Variants in SOX5 observed in about 807,000 individuals in gnomAD.
The protein encoded by SOX5 is SRY-box transcription factor 5.
SOX5 carries 9 observed loss-of-function variants against 92.0 expected under a neutral mutation model. That is an observed-to-expected ratio of 0.10 (90% CI 0.06 to 0.17). The LOEUF (loss-of-function observed/expected upper bound fraction) is 0.17, where lower values mean the gene tolerates loss of function less well. Ranked by LOEUF, SOX5 falls within the 10% of genes least tolerant of loss-of-function variation. The pLI is 1.00. For synonymous variants in SOX5, 344 were observed against 336.3 expected, an observed-to-expected ratio of 1.02 and a Z score of -0.25; for missense variants, 642 against 944.5, an observed-to-expected ratio of 0.68 and a Z score of 4.20.
At chr12:24,031,531 G>A (rs1388213360) in intron 4 of SOX5, among the ~76,000 whole-genome samples, 1 of 151,802 alleles carries the variant, frequency 6.6e-6, no homozygotes, top group African/African-American at 2.4e-5. Flanking sequence ...AGCTGCAGAG[G>A]TGGATGAAGG....
rs571489431 is a variant in SOX5, at chr12:24,195,888, C to CTG, written c.-2+17453_-2+17454dup. Among the ~76,000 whole-genome samples, 93 of 152,046 alleles carry CTG rather than the reference C, an allele frequency of 6.1e-4. 2 individuals carry two copies. In the South Asian group the frequency reaches 0.019, roughly 30 times the overall value. ...ATAAACTCTGTGCATGTGTGTGTGTCTGTGTGTGTGTTTTGAAACAGGGTC... is the reference window on the plus strand; with the variant it reads ...ATAAACTCTGTGCATGTGTGTGTGTCTGTGTGTGTGTGTTTTGAAACAGGGTC... On this transcript the variant is annotated intron_variant, in intron 4 of 4. Transcript: ENST00000446891.
intron 3 of SOX5, among the ~76,000 whole-genome samples, chr12:23,843,297 A>G (rs567753190): frequency 1.3e-5 from 2 of 152,272 alleles, no homozygotes; most frequent in South Asian, 2.1e-4. Context: ...GGTGAAAACT[A>G]AAGAAGTTTA....
chr12:24,415,825 T>G (rs1306916815), intron 1 of SOX5, among the ~76,000 whole-genome samples: 2 of 152,168 alleles, frequency 1.3e-5, no homozygotes, highest in Non-Finnish European at 2.9e-5. Flanking sequence ...AACTTGCTAA[T>G]AAAGAAGCTG....
At chr12:24,114,573 CAAAAAAAAAAA>C (rs55913110) in intron 4 of SOX5, among the ~76,000 whole-genome samples, 882 of 40,564 alleles carry the variant, frequency 0.022, 5 homozygotes, top group African/African-American at 0.078. Flanking sequence ...CACCCCGTCA[CAAAAAAAAAAA>C]AAAAAAAAAA....
intron 12 of SOX5, among the ~76,000 whole-genome samples, chr12:23,544,511 T>A (rs1294359055): frequency 6.6e-6 from 1 of 152,230 alleles, no homozygotes; most frequent in African/African-American, 2.4e-5. Flanking sequence ...TTTTCTTTAT[T>A]TTTAAATTTG....
chr12:24,438,179 A>G (rs1356873171), intron 1 of SOX5, among the ~76,000 whole-genome samples: 1 of 152,160 alleles, frequency 6.6e-6, no homozygotes, highest in African/African-American at 2.4e-5. Flanking sequence ...AACTAACACA[A>G]GAACAGAAAA....
intron 4 of SOX5, among the ~76,000 whole-genome samples, chr12:24,186,180 C>T (rs1955996882): frequency 6.6e-6 from 1 of 151,862 alleles, no homozygotes; most frequent in African/African-American, 2.4e-5. Context: ...ACAAACAAAA[C>T]CAACAAAAAA....
intron 4 of SOX5, among the ~76,000 whole-genome samples, chr12:24,161,845 G>T (rs902306761): frequency 6.6e-6 from 1 of 152,000 alleles, no homozygotes; most frequent in East Asian, 1.9e-4. Context: ...AATAACAAAA[G>T]CCCCAAAGTG....
chr12:23,776,850 C>T (rs1054530675), intron 3 of SOX5, among the ~76,000 whole-genome samples: 16 of 152,236 alleles, frequency 1.1e-4, no homozygotes, highest in African/African-American at 3.6e-4. Flanking sequence ...CTGTGCAGCC[C>T]GGTTCCTAAC....
intron 2 of SOX5, among the ~76,000 whole-genome samples, chr12:23,873,853 G>A (rs1226358640): frequency 6.6e-6 from 1 of 152,110 alleles, no homozygotes; most frequent in African/African-American, 2.4e-5. Context: ...GTGGTTAACT[G>A]GTCATTGTGC....
chr12:24,100,511 C>T (rs1432186998), intron 4 of SOX5, among the ~76,000 whole-genome samples: 1 of 152,078 alleles, frequency 6.6e-6, no homozygotes, highest in Non-Finnish European at 1.5e-5. Context: ...TGTTCCATTG[C>T]TCTTAAAGGT....
intron 2 of SOX5, among the ~76,000 whole-genome samples, chr12:23,882,220 T>A (rs2097000713): frequency 6.6e-6 from 1 of 152,200 alleles, no homozygotes; most frequent in Non-Finnish European, 1.5e-5. Flanking sequence ...AAGCCCCTCT[T>A]GCTGGTAACA....
At chr12:24,237,388 T>C (rs530165531) in intron 3 of SOX5, among the ~76,000 whole-genome samples, 2 of 152,222 alleles carry the variant, frequency 1.3e-5, no homozygotes, top group East Asian at 1.9e-4. Context: ...AGTTGATTAA[T>C]TGAACTTTAA....
chr12:24,366,642 C>G (rs968184371), intron 2 of SOX5, among the ~76,000 whole-genome samples: 1 of 152,070 alleles, frequency 6.6e-6, no homozygotes, highest in Non-Finnish European at 1.5e-5. Flanking sequence ...CCATCCTATT[C>G]CATAATATTT....
chr12:23,804,200 G>C (rs1298590925), intron 3 of SOX5, among the ~76,000 whole-genome samples: 1 of 152,072 alleles, frequency 6.6e-6, no homozygotes, highest in Admixed American at 6.6e-5. Context: ...ACAAGGAATA[G>C]AGTAAAATAC....
At chr12:24,027,207 C>A (rs1954979791) in intron 4 of SOX5, among the ~76,000 whole-genome samples, 1 of 152,084 alleles carries the variant, frequency 6.6e-6, no homozygotes, top group Admixed American at 6.6e-5. Context: ...AAATTTTGAA[C>A]TCCTCATGAC....
At chr12:24,277,580 A>G (rs1272840486) in intron 2 of SOX5, among the ~76,000 whole-genome samples, 1 of 147,566 alleles carries the variant, frequency 6.8e-6, no homozygotes, top group African/African-American at 2.5e-5. Context: ...ATATAAATAT[A>G]TATTTAAATG....
At chr12:23,765,534 A>C (rs1052105613) in intron 3 of SOX5, among the ~76,000 whole-genome samples, 8 of 151,974 alleles carry the variant, frequency 5.3e-5, no homozygotes, top group African/African-American at 1.9e-4. Flanking sequence ...AGAGAAAAGC[A>C]GAGTATGGAG....
intron 1 of SOX5, among the ~76,000 whole-genome samples, chr12:23,906,681 A>G (rs1260672944): frequency 6.6e-6 from 1 of 152,220 alleles, no homozygotes; most frequent in Non-Finnish European, 1.5e-5. Flanking sequence ...AGTAAAAACT[A>G]TCTCTTCCGA....
Sources: gnomAD v4.1 joint callset for allele counts (sites outside exome capture counted in the v4.1 genomes callset) on GRCh38, gnomAD v4.1.1 for gene constraint, MANE v1.5 for transcripts, NCBI Gene and HGNC (gene_info 2026-07-23, HGNC 2026-07-21) for gene names.